Variants in ADGRE2 observed in about 807,000 individuals in gnomAD.
The protein encoded by ADGRE2 is adhesion G protein-coupled receptor E2.
A neutral mutation model predicts 100.8 loss-of-function variants in ADGRE2; 83 were observed. That is an observed-to-expected ratio of 0.82 (90% confidence interval 0.69 to 0.99). ADGRE2 has a LOEUF of 0.99. ADGRE2 is among the 50% of genes least tolerant of loss of function. ADGRE2 has a pLI of 0.00. For synonymous variants in ADGRE2, 355 were observed against 413.0 expected (o/e 0.86, Z 1.70); for missense variants, 814 against 1,035.7 (o/e 0.79, Z 2.94).
Position 14,746,234 on chromosome 19 carries a change from T to C in ADGRE2, c.2181A>G (p.Thr727=). 6.3e-7 allele frequency: 1 copy of C among 1,581,440 alleles called. No individual in the cohort carries two copies. The highest frequency in any genetic ancestry group is 8.7e-7 in the Non-Finnish European group (1 of 1,151,574). Residue 727 remains threonine (T), a splice_region_variant and synonymous_variant, in exon 18 of 21, where the codon ACA becomes ACG. Coordinates refer to ENST00000315576, the MANE Select transcript of ADGRE2 (RefSeq NM_013447.4). ...LNSEVSTLRN[T]RMLAFKATAQ... The stretch of plus-strand genomic sequence containing the variant: ...TATCACCCCCTTCTCCATCTTACCT[T>C]GTGTTCCGGAGGGTGGACACTTCAC...
At chr19:14,753,485 T>C (rs558779771) in intron 14 of ADGRE2, among the ~76,000 whole-genome samples, 1 of 152,192 alleles carries the variant, frequency 6.6e-6, no homozygotes, top group South Asian at 2.1e-4. Context: ...GGATCTACTC[T>C]AAGTGATGAG....
In ADGRE2 at chr19:14,744,326, T is replaced by C. The variant is rs561214212; in HGVS notation, c.2184-542A>G. Among the ~76,000 whole-genome samples the C allele has an allele frequency of 3.9e-5, 6 of 151,986 alleles. No individual in the cohort carries two copies. In the East Asian group the frequency reaches 9.7e-4, roughly 25 times the overall value. The stretch of plus-strand genomic sequence containing the variant: ...CTACACAGTCTCTTCAAATCACCAA[T>C]ACAACCAGGCATGACACACAAAATT... On this transcript the variant is annotated intron_variant, in intron 18 of 20. Coordinates refer to ENST00000315576, the MANE Select transcript of ADGRE2 (RefSeq NM_013447.4).
chr19:14,769,884 G>C (rs2044132769), intron 5 of ADGRE2, among the ~76,000 whole-genome samples: 1 of 152,044 alleles, frequency 6.6e-6, no homozygotes, highest in Non-Finnish European at 1.5e-5. Context: ...ATTTGTAGTA[G>C]AGACGGGGTT....
chr19:14,766,486 C>T, intron 6 of ADGRE2, 105 bp from the exon 7 acceptor site: 3 of 1,373,058 alleles, frequency 2.2e-6, no homozygotes, highest in Non-Finnish European at 3.0e-6. Flanking sequence ...AGACTGAAGA[C>T]CATTATTGCA....
At chr19:14,726,935 T>C in the ADGRE2 span, among the ~76,000 whole-genome samples, 1 of 152,136 alleles carries the variant, frequency 6.6e-6, no homozygotes, top group Non-Finnish European at 1.5e-5. Flanking sequence ...TAAAGCTGCT[T>C]TCACATTTTC....
downstream of ADGRE2, chr19:14,731,273 G>C (rs1336073046): frequency 7.7e-7 from 1 of 1,303,878 alleles, no homozygotes; most frequent in Non-Finnish European, 1.1e-6. Flanking sequence ...CACTACTGGG[G>C]CTTGAAGACT....
downstream of ADGRE2, among the ~76,000 whole-genome samples, chr19:14,727,843 G>A (rs1034758768): frequency 5.9e-5 from 9 of 152,192 alleles, no homozygotes; most frequent in African/African-American, 9.7e-5. Context: ...AATGGCTTAT[G>A]TATACATGCA....
chr19:14,769,172 T>C (rs1487554766), intron 5 of ADGRE2, among the ~76,000 whole-genome samples: 2 of 152,044 alleles, frequency 1.3e-5, no homozygotes, highest in Non-Finnish European at 2.9e-5. Flanking sequence ...GGCGGATCAC[T>C]TGAGGCCAGG....
chr19:14,771,657 T>TTTATTTATTTATTTAG (rs374066484), intron 5 of ADGRE2, among the ~76,000 whole-genome samples: 9 of 151,572 alleles, frequency 5.9e-5, no homozygotes, highest in African/African-American at 2.2e-4. Context: ...TATTTATTTA[T>TTTATTTATTTATTTAG]TTTAGATGGA....
rs528249854 is a variant in ADGRE2 at position 14,766,451 on chromosome 19, C to T, written c.488-70G>A. 97 of 1,475,702 alleles carry T rather than the reference C, an allele frequency of 6.6e-5. 1 individual carries two copies. In the East Asian group the frequency reaches 2.0e-3, roughly 30 times the overall value. 91.4% of individuals were successfully genotyped at this position (1,475,702 alleles called of 1,614,324 possible). A position where few individuals can be genotyped will look rare whatever the true frequency, so the allele number is the denominator to read the frequency against. ...GGGCCTGCCCTCCACTCACTGCACC[C>T]ACTCCCCTATCTTTTCATTGCCTCA... On this transcript the variant is annotated intron_variant, in intron 6 of 20. Coordinates refer to ENST00000315576, the MANE Select transcript of ADGRE2 (RefSeq NM_013447.4).
At chr19:14,745,931 T>C (rs2043072096) in intron 18 of ADGRE2, among the ~76,000 whole-genome samples, 2 of 152,234 alleles carry the variant, frequency 1.3e-5, no homozygotes, top group African/African-American at 4.8e-5. Flanking sequence ...ATGGTTTCAT[T>C]CTGTTTTGTG....
chr19:14,768,254 G>A (rs143775067), intron 5 of ADGRE2, among the ~76,000 whole-genome samples: 1 of 152,218 alleles, frequency 6.6e-6, no homozygotes, highest in African/African-American at 2.4e-5. Flanking sequence ...GTCTGGTGCT[G>A]CATAGGCCAG....
chr19:14,766,563 G>A (rs568799867), intron 6 of ADGRE2, among the ~76,000 whole-genome samples, 182 bp from the exon 7 acceptor site: 1 of 152,286 alleles, frequency 6.6e-6, no homozygotes, highest in East Asian at 1.9e-4. Context: ...CCTACCAGAT[G>A]GGCACAGCAG....
rs545261088 is a variant in ADGRE2, at chr19:14,769,780, G to A, written c.355+2562C>T. Among the ~76,000 whole-genome samples the A allele has an allele frequency of 5.9e-5, 9 of 152,124 alleles. No homozygotes were observed. In the East Asian group the frequency reaches 1.7e-3, roughly 29 times the overall value. On this transcript the variant is annotated intron_variant, in intron 5 of 20. Coordinates refer to ENST00000315576, the MANE Select transcript of ADGRE2 (RefSeq NM_013447.4). ...GTGGTGCCATCTCGGCTTACTGCAA[G>A]CTCCGCCTCCCAGGTTCATGCCATT...
At position 14,734,502 on chromosome 19, in the gene ADGRE2, C is replaced by A. The variant is rs530031013; in HGVS notation, c.*1734G>T. On this transcript the variant is annotated 3_prime_UTR_variant, in exon 21 of 21. Coordinates refer to ENST00000315576, the MANE Select transcript of ADGRE2 (RefSeq NM_013447.4). ...TGCCATTGTACTCCAGCATGGGTGACAAAGCAAGACCCTGCCTCAAAAAAA... is the reference window on the plus strand; with the variant it reads ...TGCCATTGTACTCCAGCATGGGTGAAAAAGCAAGACCCTGCCTCAAAAAAA... 6.6e-6 allele frequency: 1 copy of A among 152,246 alleles called. No homozygotes were observed. The highest frequency in any genetic ancestry group is 2.1e-4 in the South Asian group (1 of 4,828). The allele number at this position is 152,246 out of a possible 1,614,324, so 9.4% of individuals were successfully genotyped here.
Position 14,776,835 on chromosome 19 carries a change from C to T in ADGRE2, c.-79G>A. On this transcript the variant is annotated 5_prime_UTR_variant, in exon 2 of 21. Transcript: ENST00000315576. ...GGCTGTCCCGTCTCCGCAGGCTGGG[C>T]AGCTGTGCGGGCTGTCCCGAGGCCA... The T allele has an allele frequency of 3.8e-6, 6 of 1,596,694 alleles. No homozygotes were observed. The highest frequency in any genetic ancestry group is 2.3e-5 in the East Asian group (1 of 43,632).
At chr19:14,768,481 T>G (rs1599871336) in intron 5 of ADGRE2, among the ~76,000 whole-genome samples, 1 of 151,820 alleles carries the variant, frequency 6.6e-6, no homozygotes, top group Non-Finnish European at 1.5e-5. Context: ...AAGATGGAGG[T>G]GTATCTGTCA....
chr19:14,738,969 C>CTTTTTTTT (rs68029679), intron 20 of ADGRE2, among the ~76,000 whole-genome samples: 1 of 104,910 alleles, frequency 9.5e-6, no homozygotes. Flanking sequence ...CTTTTCTTTT[C>CTTTTTTTT]TTTTTTTTTT....
intron 5 of ADGRE2, among the ~76,000 whole-genome samples, chr19:14,770,669 C>CTTTTTTTTTTTTTTTTTTTTTT (rs775214778): frequency 1.2e-5 from 1 of 85,012 alleles, no homozygotes; most frequent in African/African-American, 4.6e-5. Context: ...TCTTTCTTTT[C>CTTTTTTTTTTTTTTTTTTTTTT]TTTTTTTTTT....
Sources: allele counts gnomAD v4.1 joint callset (sites outside exome capture counted in the v4.1 genomes callset), GRCh38; gene constraint gnomAD v4.1.1; transcripts MANE v1.5; gene names NCBI Gene and HGNC (gene_info 2026-07-23, HGNC 2026-07-21).